AP3B1: variants seen among roughly 807,000 people sequenced by gnomAD.
The protein encoded by AP3B1 is AP-3 complex subunit beta-1.
AP3B1 carries 61 observed loss-of-function variants against 132.5 expected under a neutral mutation model. The observed-to-expected ratio is 0.46, with a 90% CI of 0.37 to 0.57. The LOEUF (loss-of-function observed/expected upper bound fraction) is 0.57, where lower values mean the gene tolerates loss of function less well. AP3B1 is among the 20% of genes least tolerant of loss of function. The pLI is 0.00. For missense variants in AP3B1, 1,120 were observed against 1,289.4 expected (o/e 0.87, Z 2.01); for synonymous variants, 388 against 438.3 (o/e 0.89, Z 1.43).
intron 3 of AP3B1, among the ~76,000 whole-genome samples, chr5:78,239,890 A>G (rs1370226405): frequency 6.6e-6 from 1 of 152,228 alleles, no homozygotes; most frequent in African/African-American, 2.4e-5. Flanking sequence ...CATTAGCTCA[A>G]AAATGTTTTC....
Position 78,113,893 on chromosome 5 carries a change from T to G in AP3B1, c.2108A>C (p.Gln703Pro), listed in dbSNP as rs373980624. The G allele has an allele frequency of 8.7e-6, 14 of 1,614,096 alleles. No individual in the cohort carries two copies. The highest frequency in any genetic ancestry group is 9.3e-6 in the Non-Finnish European group (11 of 1,180,052). Reference sequence around the variant, plus strand: ...GTCTCCTTCCTCCCCACTTTCGCCTTGTTCTCCACTTTCACTTCCAGATTC... The same window carrying G: ...GTCTCCTTCCTCCCCACTTTCGCCTGGTTCTCCACTTTCACTTCCAGATTC... ...ESESGSESGE[Q>P]GESGEEGDSN... The change falls in exon 19 of 27, where the codon CAA becomes CCA. Residue 703 changes from glutamine to proline, a missense_variant. Physicochemically the swap from Gln to Pro is moderately conservative, Grantham distance 76 (BLOSUM62 -1). Around this residue, in one of 3 missense-constraint regions of AP3B1, gnomAD observed 906 missense variants for 997.1 expected, o/e 0.91. Transcript: ENST00000255194.
intron 2 of AP3B1, among the ~76,000 whole-genome samples, chr5:78,249,371 T>G (rs148215317): frequency 1.3e-5 from 2 of 152,024 alleles, no homozygotes; most frequent in East Asian, 1.9e-4. Flanking sequence ...TCTCAAAAAA[T>G]AAAAATAAAA....
At chr5:78,191,891 G>A (rs572495871) in intron 7 of AP3B1, among the ~76,000 whole-genome samples, 26 of 152,072 alleles carry the variant, frequency 1.7e-4, no homozygotes, top group South Asian at 6.2e-4. Context: ...TATATGTTTC[G>A]CTCTTATTGC....
At chr5:78,229,713 T>C (rs1311565072) in intron 3 of AP3B1, among the ~76,000 whole-genome samples, 1 of 152,092 alleles carries the variant, frequency 6.6e-6, no homozygotes. Context: ...CACTCCAGCC[T>C]GGGCAACTGG....
intron 2 of AP3B1, among the ~76,000 whole-genome samples, chr5:78,247,128 A>T (rs1471981914): frequency 1.8e-4 from 28 of 151,692 alleles, no homozygotes; most frequent in Non-Finnish European, 2.8e-4. Flanking sequence ...TTTTAAAAAA[A>T]TTTTGATCTC....
At chr5:78,053,694 A>AAG (rs1554060855) in intron 22 of AP3B1, among the ~76,000 whole-genome samples, 1 of 93,454 alleles carries the variant, frequency 1.1e-5, no homozygotes, top group Non-Finnish European at 2.3e-5. Context: ...AAAAAAAAAA[A>AAG]AAAGAAAGAA....
intron 14 of AP3B1, among the ~76,000 whole-genome samples, chr5:78,156,022 T>G (rs115908723): frequency 6.6e-6 from 1 of 152,168 alleles, no homozygotes; most frequent in South Asian, 2.1e-4. Context: ...GCTGTTGATA[T>G]ATAAAACTCA....
chr5:78,078,277 G>C (rs543747735), intron 22 of AP3B1, among the ~76,000 whole-genome samples: 13 of 152,030 alleles, frequency 8.6e-5, no homozygotes, highest in Middle Eastern at 3.4e-3. Context: ...TAATCATTCC[G>C]GTGCAAATCT....
At chr5:78,051,628 C>T (rs1165714344) in intron 22 of AP3B1, among the ~76,000 whole-genome samples, 1 of 152,084 alleles carries the variant, frequency 6.6e-6, no homozygotes, top group East Asian at 1.9e-4. Flanking sequence ...CAATGTTTCC[C>T]AGCCTTTTAT....
intron 26 of AP3B1, among the ~76,000 whole-genome samples, chr5:78,007,789 T>C (rs1238580793): frequency 6.6e-6 from 1 of 152,186 alleles, no homozygotes; most frequent in Non-Finnish European, 1.5e-5. Context: ...GACTATAAAA[T>C]TGCATTTTAA....
intron 2 of AP3B1, among the ~76,000 whole-genome samples, chr5:78,263,576 G>A (rs188213386): frequency 1.3e-5 from 2 of 152,270 alleles, no homozygotes; most frequent in African/African-American, 2.4e-5. Context: ...TTCTGACCTT[G>A]GAGTAAAAGA....
intron 1 of AP3B1, among the ~76,000 whole-genome samples, chr5:78,277,883 T>A (rs114238923): frequency 6.6e-6 from 1 of 152,186 alleles, no homozygotes; most frequent in Non-Finnish European, 1.5e-5. Flanking sequence ...ATCATTCATA[T>A]GCGTATTAAA....
At chr5:78,093,916 C>A (rs1207249778) in intron 21 of AP3B1, among the ~76,000 whole-genome samples, 1 of 152,182 alleles carries the variant, frequency 6.6e-6, no homozygotes, top group Non-Finnish European at 1.5e-5. Context: ...AGTAACAGAG[C>A]TGGGATTGAA....
At chr5:78,196,722 G>T (rs1055054380) in intron 7 of AP3B1, among the ~76,000 whole-genome samples, 6 of 152,120 alleles carry the variant, frequency 3.9e-5, no homozygotes, top group Non-Finnish European at 2.9e-5. Flanking sequence ...AAAAGACATG[G>T]AGACAACTTA....
chr5:78,202,179 CT>C (rs1217466614), intron 7 of AP3B1, among the ~76,000 whole-genome samples: 1 of 152,166 alleles, frequency 6.6e-6, no homozygotes, highest in Non-Finnish European at 1.5e-5. Flanking sequence ...TGAGACGTGC[CT>C]TTCACCTTCC....
Position 78,034,353 on chromosome 5 carries a change from G to A in AP3B1, c.2894+8C>T. 6.2e-7 allele frequency: 1 copy of A among 1,603,358 alleles called. No homozygotes were observed. Among genetic ancestry groups the A allele is most frequent in the South Asian group, 1.1e-5 (1 of 90,782 alleles). ...TTATATAAAAAATAGAAGAACAATT[G>A]AACTTACCACAACTGGAAACTGGCA... On this transcript the variant is annotated splice_region_variant and intron_variant, in intron 24 of 26. Coordinates refer to ENST00000255194, the MANE Select transcript of AP3B1 (RefSeq NM_003664.5).
At chr5:78,133,292 A>G (rs968450048) in intron 15 of AP3B1, among the ~76,000 whole-genome samples, 1 of 152,234 alleles carries the variant, frequency 6.6e-6, no homozygotes, top group African/African-American at 2.4e-5. Flanking sequence ...TAAAAGGAAG[A>G]AGTTAGTTAT....
intron 7 of AP3B1, among the ~76,000 whole-genome samples, chr5:78,190,850 T>C (rs1399192115): frequency 2.0e-5 from 3 of 152,234 alleles, no homozygotes. Context: ...ACTATTACTA[T>C]GCCTCAAATT....
intron 21 of AP3B1, 124 bp downstream of exon 21, chr5:78,100,829 A>C (rs1312993686): frequency 1.7e-6 from 1 of 596,956 alleles, no homozygotes; most frequent in African/African-American, 1.9e-5. Flanking sequence ...TTCTTGCCTT[A>C]TTCATCTATA....
Sources: allele counts gnomAD v4.1 joint callset (sites outside exome capture counted in the v4.1 genomes callset), GRCh38; gene constraint gnomAD v4.1.1; regional missense constraint gnomAD v4.1.1; transcripts MANE v1.5; gene names NCBI Gene and HGNC (gene_info 2026-07-23, HGNC 2026-07-21).